Variants in DRP2 observed in about 807,000 individuals in gnomAD.
DRP2 encodes dystrophin related protein 2, also known as dystrophin-related protein 2.
In DRP2, 29 loss-of-function variants were observed where a neutral mutation model predicts 78.2. The ratio of observed to expected loss-of-function variants is 0.37; its 90% CI spans 0.28 to 0.51. The LOEUF (loss-of-function observed/expected upper bound fraction) is 0.51. DRP2 is among the 20% of genes least tolerant of loss of function. The probability of loss-of-function intolerance (pLI) is 0.94; values close to 1 mark genes in which losing one functional copy is unlikely to be tolerated. For missense variants in DRP2, 686 were observed against 770.6 expected (o/e 0.89, Z 1.30); for synonymous variants, 290 against 281.9 (o/e 1.03, Z -0.29).
chrX:101,231,050 C>T (rs1314154428), intron 2 of DRP2, among the ~76,000 whole-genome samples: 1 of 112,324 alleles, frequency 8.9e-6, no homozygotes, highest in Non-Finnish European at 1.9e-5. Flanking sequence ...TCCCATTGTC[C>T]TCTGAACATG....
intron 6 of DRP2, among the ~76,000 whole-genome samples, chrX:101,240,732 A>G (rs1922688095): frequency 8.9e-6 from 1 of 112,227 alleles, no homozygotes; most frequent in African/African-American, 3.2e-5. Context: ...CCCTTCATGA[A>G]TTGAGCCCTT....
rs754772234 is a variant in DRP2, at chrX:101,247,205, C to T, written c.1252+41C>T. On this transcript the variant is annotated intron_variant, in intron 12 of 23. Transcript: ENST00000395209. The stretch of plus-strand genomic sequence containing the variant: ...TACTTCCCTATGACGTTCACCACCC[C>T]TCTCCTGTTCCTCATCTGTCTGCTG... The T allele has an allele frequency of 5.5e-6, 6 of 1,100,629 alleles. No individual in the cohort carries two copies. In the African/African-American group the frequency reaches 9.2e-5, roughly 17 times the overall value. 90.7% of individuals were successfully genotyped at this position (1,100,629 alleles called of 1,213,427 possible).
In DRP2 at chrX:101,224,638, A is replaced by G. The variant is rs1357688509; in HGVS notation, c.-132A>G. 1 of 112,432 alleles carries G rather than the reference A, an allele frequency of 8.9e-6. No individual in the cohort carries two copies. The highest frequency in any genetic ancestry group is 3.2e-5 in the African/African-American group (1 of 30,814). The allele number at this position is 112,432 out of a possible 1,213,427, so 9.3% of individuals were successfully genotyped here. A position where few individuals can be genotyped will look rare whatever the true frequency, so the allele number is the denominator to read the frequency against. On this transcript the variant is annotated 5_prime_UTR_variant, in exon 2 of 24. Transcript: ENST00000395209. The stretch of plus-strand genomic sequence containing the variant: ...ATTCGCCGTGTGAGTGGCTATCGTA[A>G]TAGATAACATTTGAATATCTACTAA...
rs769674969 is a variant in DRP2 at position 101,256,165 on chromosome X, G to A, written c.2294G>A (p.Arg765Gln). The A allele has an allele frequency of 1.2e-5, 15 of 1,205,389 alleles. No individual in the cohort carries two copies. Among genetic ancestry groups the A allele is most frequent in the Non-Finnish European group, 1.6e-5 (14 of 893,154 alleles). The change falls in exon 21 of 24, where the codon CGG becomes CAG. Residue 765 changes from arginine (R) to glutamine (Q), a missense_variant. Arg to Gln is a conservative substitution (Grantham distance 43). Around this residue, in one of 2 missense-constraint regions of DRP2, gnomAD observed 423 missense variants for 531.5 expected, o/e 0.80. Transcript: ENST00000395209. ...LLRHSSPITDREPAFGQQAPC... is the reference protein window; with the variant it reads ...LLRHSSPITDQEPAFGQQAPC... ...CGGCACTCCAGCCCCATCACAGACC[G>A]GGAGCCAGCCTTTGGACAGCAGGCT...
At chrX:101,220,254 G>A (rs761172505) in intron 1 of DRP2, 108 bp downstream of exon 1, 3 of 106,195 alleles carry the variant, frequency 2.8e-5, no homozygotes, top group African/African-American at 7.1e-5. Flanking sequence ...GGCGAGGGGT[G>A]GGGGGAGAGA....
At chrX:101,224,085 G>A (rs971318124) in intron 1 of DRP2, among the ~76,000 whole-genome samples, 11 of 107,133 alleles carry the variant, frequency 1.0e-4, no homozygotes, top group Admixed American at 9.1e-4. Context: ...GAAGGGGGTC[G>A]CCTTCCCATT....
At chrX:101,229,820 A>G (rs1371834347) in intron 2 of DRP2, among the ~76,000 whole-genome samples, 2 of 112,032 alleles carry the variant, frequency 1.8e-5, no homozygotes, top group African/African-American at 6.5e-5. Context: ...ATTTGTTTAC[A>G]TTCTCTAAAC....
At position 101,245,395 on chromosome X, in the gene DRP2, G is replaced by T. The variant is rs1410128698; in HGVS notation, c.1123G>T (p.Ala375Ser). The change falls in exon 11 of 24, where the codon GCT becomes TCT. Residue 375 changes from alanine (A) to serine (S), a missense_variant. Around this residue, in one of 2 missense-constraint regions of DRP2, gnomAD observed 423 missense variants for 531.5 expected, o/e 0.80. Coordinates refer to ENST00000395209, the MANE Select transcript of DRP2 (RefSeq NM_001939.3). ...NKVPYYINHQAQTTCWDHPKM... is the reference protein window; with the variant it reads ...NKVPYYINHQSQTTCWDHPKM... ...TGATGCTATTGTTTGTAGCCACCAG[G>T]CTCAGACCACATGCTGGGACCATCC... The T allele has an allele frequency of 8.3e-7, 1 of 1,204,413 alleles. No individual in the cohort carries two copies. Among genetic ancestry groups the T allele is most frequent in the Admixed American group, 2.2e-5 (1 of 45,230 alleles).
At chrX:101,259,371 C>T (rs1218635798) in intron 22 of DRP2, among the ~76,000 whole-genome samples, 2 of 111,687 alleles carry the variant, frequency 1.8e-5, no homozygotes, top group Non-Finnish European at 3.8e-5. Context: ...TATGCTATGT[C>T]ATGAACCAAG....
chrX:101,242,842 C>A, intron 8 of DRP2, 62 bp from the exon 9 acceptor site: 1 of 1,081,694 alleles, frequency 9.2e-7, no homozygotes, highest in Non-Finnish European at 1.3e-6. Flanking sequence ...CCAGAGGCAC[C>A]TGGGGATCCC....
intron 22 of DRP2, among the ~76,000 whole-genome samples, chrX:101,259,208 T>C (rs1313948073): frequency 8.9e-6 from 1 of 111,822 alleles, no homozygotes; most frequent in Non-Finnish European, 1.9e-5. Context: ...AGATAATGCA[T>C]TTATGGAATT....
chrX:101,250,864 G>C, intron 15 of DRP2, 53 bp from the exon 16 acceptor site: 1 of 1,189,474 alleles, frequency 8.4e-7, no homozygotes, highest in East Asian at 3.0e-5. Flanking sequence ...GCCATTCTAG[G>C]GATAAGACAC....
chrX:101,223,477 A>G (rs1921963615), intron 1 of DRP2, among the ~76,000 whole-genome samples: 1 of 111,918 alleles, frequency 8.9e-6, no homozygotes, highest in Non-Finnish European at 1.9e-5. Flanking sequence ...GCAATCACAG[A>G]GGTACTGTGA....
intron 2 of DRP2, among the ~76,000 whole-genome samples, chrX:101,230,579 C>T (rs1051052306): frequency 3.6e-5 from 4 of 110,480 alleles, no homozygotes; most frequent in African/African-American, 1.3e-4. Context: ...TATGTCACTC[C>T]CTGCTTAAAA....
intron 1 of DRP2, among the ~76,000 whole-genome samples, chrX:101,224,196 T>G (rs867348225): frequency 0.052 from 2,324 of 45,065 alleles, 73 homozygotes; most frequent in Non-Finnish European, 0.065. Flanking sequence ...TTTTTGTTTT[T>G]TTTTTTTTTT....
intron 9 of DRP2, among the ~76,000 whole-genome samples, chrX:101,243,474 CTG>C (rs996814043): frequency 9.5e-6 from 1 of 104,929 alleles, no homozygotes; most frequent in African/African-American, 3.4e-5. Flanking sequence ...AACCTAATAA[CTG>C]TGCAGGCTCA....
chrX:101,255,090 C>G, intron 19 of DRP2, 94 bp from the exon 20 acceptor site: 2 of 1,094,472 alleles, frequency 1.8e-6, no homozygotes, highest in South Asian at 3.8e-5. Context: ...GGGCAGCTCT[C>G]AAAGCCAATG....
chrX:101,254,644 G>C, intron 18 of DRP2, 83 bp downstream of exon 18: 1 of 1,171,769 alleles, frequency 8.5e-7, no homozygotes, highest in Non-Finnish European at 1.2e-6. Context: ...GTCCCGAGTG[G>C]GCTAGGAGAA....
rs763835866 is a variant in DRP2, at chrX:101,246,720, TAGTA to T, written c.1178-367_1178-364del. Among the ~76,000 whole-genome samples the T allele has an allele frequency of 2.3e-4, 26 of 112,666 alleles. No homozygotes were observed. In the East Asian group the frequency reaches 4.4e-3, roughly 19 times the overall value. ...TTTGTTGTTTTCACTCTATGCAATC[TAGTA>T]AGGAATTGCTTCCTGAAATGTTTGA... On this transcript the variant is annotated intron_variant, in intron 11 of 23. Coordinates refer to ENST00000395209, the MANE Select transcript of DRP2 (RefSeq NM_001939.3).
Sources: gnomAD v4.1 joint callset for allele counts (sites outside exome capture counted in the v4.1 genomes callset) on GRCh38, gnomAD v4.1.1 for gene constraint, gnomAD v4.1.1 regional missense constraint, MANE v1.5 for transcripts, NCBI Gene and HGNC (gene_info 2026-07-23, HGNC 2026-07-21) for gene names.